The following PCSK5 variants were observed in gnomAD, a reference collection of about 807,000 sequenced individuals.
PCSK5 encodes prohormone convertase 5.
A neutral mutation model predicts 233.2 loss-of-function variants in PCSK5; 129 were observed. The ratio of observed to expected loss-of-function variants is 0.55; its 90% CI spans 0.48 to 0.64. The LOEUF (loss-of-function observed/expected upper bound fraction) is 0.64, where lower values mean the gene tolerates loss of function less well. Among genes scored for constraint, PCSK5 ranks in the 30% least tolerant of loss-of-function variants. The pLI, the probability that PCSK5 is intolerant of heterozygous loss-of-function variation, is 0.00. For synonymous variants in PCSK5, 825 were observed against 879.2 expected (o/e 0.94, Z 1.09); for missense variants, 2,076 against 2,430.1 (o/e 0.85, Z 3.06).
intron 30 of PCSK5, among the ~76,000 whole-genome samples, chr9:76,311,061 T>C (rs958233189): frequency 1.3e-5 from 2 of 152,214 alleles, no homozygotes; most frequent in African/African-American, 4.8e-5. Flanking sequence ...ATTTTATGTA[T>C]ATATTTTTAC....
chr9:76,054,130 A>T lies in PCSK5; in HGVS notation c.633-13825A>T, dbSNP rs543987790. Among the ~76,000 whole-genome samples the T allele has an allele frequency of 2.0e-5, 3 of 152,160 alleles. No homozygotes were observed. In the South Asian group the frequency reaches 6.2e-4, roughly 32 times the overall value. On this transcript the variant is annotated intron_variant, in intron 5 of 37. Transcript: ENST00000674117. The stretch of plus-strand genomic sequence containing the variant: ...TCTCATAAGACTTACTATCACAAGA[A>T]CTGCATGGGAAAAACCCACCCCCAT...
intron 9 of PCSK5, among the ~76,000 whole-genome samples, chr9:76,119,454 G>A (rs1452955815): frequency 2.0e-5 from 3 of 151,934 alleles, no homozygotes; most frequent in Non-Finnish European, 4.4e-5. Flanking sequence ...TACATATGCT[G>A]ATGAAGCTAT....
At chr9:76,079,601 A>G (rs1830763303) in intron 7 of PCSK5, among the ~76,000 whole-genome samples, 1 of 152,214 alleles carries the variant, frequency 6.6e-6, no homozygotes, top group Non-Finnish European at 1.5e-5. Context: ...CTAGAATCGT[A>G]TCATCAGCAA....
intron 2 of PCSK5, among the ~76,000 whole-genome samples, chr9:75,976,927 G>C (rs1315192912): frequency 6.6e-6 from 1 of 151,930 alleles, no homozygotes. Flanking sequence ...CCCTATGTAA[G>C]TACTTTTAAA....
chr9:76,030,692 T>C (rs971185037), intron 5 of PCSK5, among the ~76,000 whole-genome samples: 1 of 152,222 alleles, frequency 6.6e-6, no homozygotes, highest in Admixed American at 6.5e-5. Flanking sequence ...GTCTGTATTA[T>C]AATACAGACT....
intron 8 of PCSK5, among the ~76,000 whole-genome samples, chr9:76,100,379 C>T (rs1261016553): frequency 6.6e-6 from 1 of 152,198 alleles, no homozygotes; most frequent in Non-Finnish European, 1.5e-5. Context: ...TTTTGTCCTT[C>T]TCATTTGTGC....
At chr9:76,042,207 A>G (rs1167637416) in intron 5 of PCSK5, among the ~76,000 whole-genome samples, 1 of 152,258 alleles carries the variant, frequency 6.6e-6, no homozygotes, top group East Asian at 1.9e-4. Flanking sequence ...CAAAATATTC[A>G]AGTTTTATGG....
At chr9:76,323,348 C>A in intron 32 of PCSK5, 60 bp downstream of exon 32, 1 of 960,914 alleles carries the variant, frequency 1.0e-6, no homozygotes, top group Admixed American at 2.3e-5. Context: ...GCCCCAGCCC[C>A]AGCGCCAGAG....
chr9:76,003,720 G>C (rs937383296), intron 3 of PCSK5, among the ~76,000 whole-genome samples: 2 of 152,164 alleles, frequency 1.3e-5, no homozygotes, highest in Non-Finnish European at 2.9e-5. Flanking sequence ...TCCATATTCA[G>C]TTGTCACAAT....
intron 17 of PCSK5, among the ~76,000 whole-genome samples, chr9:76,188,103 T>C (rs748384407): frequency 6.6e-6 from 1 of 152,218 alleles, no homozygotes; most frequent in Non-Finnish European, 1.5e-5. Flanking sequence ...TTGGACAGGA[T>C]GGTCGTACAC....
intron 3 of PCSK5, among the ~76,000 whole-genome samples, chr9:76,008,679 C>T (rs2131447232): frequency 6.6e-6 from 1 of 152,224 alleles, no homozygotes; most frequent in African/African-American, 2.4e-5. Context: ...CCAGGATGGT[C>T]TCGATCTCCT....
intron 13 of PCSK5, among the ~76,000 whole-genome samples, chr9:76,170,599 T>A (rs912373332): frequency 3.9e-5 from 6 of 152,158 alleles, no homozygotes; most frequent in Non-Finnish European, 5.9e-5. Flanking sequence ...TTCCCACCCA[T>A]CCATGAACAC....
At chr9:75,901,264 A>G (rs929934327) in intron 1 of PCSK5, among the ~76,000 whole-genome samples, 5 of 152,226 alleles carry the variant, frequency 3.3e-5, no homozygotes, top group Non-Finnish European at 7.3e-5. Context: ...AATGTGGCAC[A>G]TATACACCAT....
Position 76,270,824 on chromosome 9 carries a change from TA to T in PCSK5, c.3143-21406del, listed in dbSNP as rs1167860951. Among the ~76,000 whole-genome samples, 3 of 152,250 alleles carry T rather than the reference TA, an allele frequency of 2.0e-5. No individual in the cohort carries two copies. The East Asian group carries it at 5.8e-4, about 29-fold the overall frequency. On this transcript the variant is annotated intron_variant, in intron 24 of 37. Coordinates refer to ENST00000674117, the MANE Select transcript of PCSK5 (RefSeq NM_001372043.1). Reference sequence around the variant, plus strand: ...TTATTAAAGGATATGTAATTTTAAATAAAGGTAATTCACAGGGGAGTAGGGA... The same window carrying T: ...TTATTAAAGGATATGTAATTTTAAATAAGGTAATTCACAGGGGAGTAGGGA...
intron 20 of PCSK5, among the ~76,000 whole-genome samples, chr9:76,196,708 A>G (rs1824717320): frequency 6.6e-6 from 1 of 152,256 alleles, no homozygotes; most frequent in Non-Finnish European, 1.5e-5. Context: ...ACACAATGTG[A>G]GAATATAGAG....
At chr9:76,283,368 C>T (rs905182862) in intron 24 of PCSK5, among the ~76,000 whole-genome samples, 3 of 152,156 alleles carry the variant, frequency 2.0e-5, no homozygotes, top group Non-Finnish European at 4.4e-5. Flanking sequence ...AAACCACCAC[C>T]CTGATCAGTC....
intron 2 of PCSK5, among the ~76,000 whole-genome samples, chr9:75,969,511 A>G (rs1401534141): frequency 6.6e-6 from 1 of 152,148 alleles, no homozygotes; most frequent in African/African-American, 2.4e-5. Flanking sequence ...AATTGAAACA[A>G]AGAAGTAAAG....
At chr9:76,239,525 G>C (rs956435874) in intron 23 of PCSK5, among the ~76,000 whole-genome samples, 2 of 151,814 alleles carry the variant, frequency 1.3e-5, no homozygotes, top group South Asian at 2.1e-4. Flanking sequence ...GTGAAACTCT[G>C]TCTCTACTAA....
chr9:76,183,649 C>T (rs2131223107), intron 16 of PCSK5, among the ~76,000 whole-genome samples: 1 of 152,222 alleles, frequency 6.6e-6, no homozygotes, highest in Middle Eastern at 3.4e-3. Context: ...TGAGAGAGAC[C>T]GTATGATGAC....
Sources: allele counts gnomAD v4.1 joint callset (sites outside exome capture counted in the v4.1 genomes callset), GRCh38; gene constraint gnomAD v4.1.1; transcripts MANE v1.5; gene names NCBI Gene and HGNC (gene_info 2026-07-23, HGNC 2026-07-21).